Variants in TTC7A observed in about 807,000 individuals in gnomAD.
The protein encoded by TTC7A is tetratricopeptide repeat protein 7A.
In TTC7A, 110 loss-of-function variants were observed where a neutral mutation model predicts 103.7. The ratio of observed to expected loss-of-function variants is 1.06; its 90% CI spans 0.91 to 1.24. The LOEUF is 1.24. Among genes scored for constraint, TTC7A ranks in the 50% most tolerant of loss-of-function variants. TTC7A has a pLI of 0.00. For missense variants in TTC7A, 1,340 were observed against 1,116.3 expected (o/e 1.20, Z -2.86); for synonymous variants, 521 against 467.9 (o/e 1.11, Z -1.47).
intron 2 of TTC7A, among the ~76,000 whole-genome samples, chr2:46,919,996 T>C (rs1484285523): frequency 6.6e-6 from 1 of 152,208 alleles, no homozygotes; most frequent in Non-Finnish European, 1.5e-5. Flanking sequence ...GCTTGGAATT[T>C]TGGCATGTGT....
At chr2:46,949,892 A>C (rs1671260633) in intron 1 of TTC7A, among the ~76,000 whole-genome samples, 2 of 152,202 alleles carry the variant, frequency 1.3e-5, no homozygotes, top group Admixed American at 1.3e-4. Context: ...ACAAACAAAC[A>C]AAAACACTTA....
In TTC7A at chr2:47,074,171, C is replaced by T. The variant is rs1185214526; in HGVS notation, c.*248C>T. ...TGCCTTTGGAGAGTTTTGTGGTGAC[C>T]AGACTTGCTCCCCAAGAGCTGGGCA... is the stretch of plus-strand genomic sequence containing the variant. On this transcript the variant is annotated 3_prime_UTR_variant, in exon 20 of 20. Coordinates refer to ENST00000319190, the MANE Select transcript of TTC7A (RefSeq NM_020458.4). 2 of 543,334 alleles carry T rather than the reference C, an allele frequency of 3.7e-6. No individual in the cohort carries two copies. Among genetic ancestry groups the T allele is most frequent in the Non-Finnish European group, 3.3e-6 (1 of 302,536 alleles). The allele number at this position is 543,334 out of a possible 1,614,324, so 33.7% of individuals were successfully genotyped here. A position where few individuals can be genotyped will look rare whatever the true frequency, so the allele number is the denominator to read the frequency against.
chr2:46,949,599 T>G lies in TTC7A; in HGVS notation c.185-764T>G, dbSNP rs542287715. Among the ~76,000 whole-genome samples the G allele has an allele frequency of 2.5e-4, 38 of 152,326 alleles. 1 individual carries two copies. In the South Asian group the frequency reaches 5.0e-3, roughly 20 times the overall value. On this transcript the variant is annotated intron_variant, in intron 1 of 19. Coordinates refer to ENST00000319190, the MANE Select transcript of TTC7A (RefSeq NM_020458.4). ...CAAATGAGCTACCCTCATTTGCGGG[T>G]ATACCCTATATGTGAGAGAACTCCA...
At chr2:46,952,018 G>A (rs1671460916) in intron 2 of TTC7A, among the ~76,000 whole-genome samples, 1 of 152,228 alleles carries the variant, frequency 6.6e-6, no homozygotes, top group Non-Finnish European at 1.5e-5. Flanking sequence ...GGATCCTTCT[G>A]GGGCTGGATC....
chr2:46,929,014 T>A (rs531945788), intron 2 of TTC7A, among the ~76,000 whole-genome samples: 1 of 151,634 alleles, frequency 6.6e-6, no homozygotes, highest in Non-Finnish European at 1.5e-5. Context: ...AATACAAAAA[T>A]TAGCTGGGTG....
At chr2:46,994,855 C>A (rs1045235271) in intron 7 of TTC7A, among the ~76,000 whole-genome samples, 1 of 152,202 alleles carries the variant, frequency 6.6e-6, no homozygotes, top group South Asian at 2.1e-4. Flanking sequence ...TCTGGCTTCT[C>A]CCTGCTTCTT....
intron 15 of TTC7A, among the ~76,000 whole-genome samples, chr2:47,037,380 G>C (rs1403688189): frequency 2.6e-5 from 4 of 152,242 alleles, no homozygotes; most frequent in Admixed American, 1.3e-4. Context: ...TTGGAAGGAA[G>C]AGAACCATGC....
chr2:47,041,662 A>G (rs1240124915), intron 15 of TTC7A, among the ~76,000 whole-genome samples: 1 of 151,798 alleles, frequency 6.6e-6, no homozygotes, highest in Non-Finnish European at 1.5e-5. Flanking sequence ...CTGAGGCAGG[A>G]GAATTGCTTG....
chr2:47,005,410 C>A (rs1018048243), intron 8 of TTC7A, among the ~76,000 whole-genome samples: 3 of 152,102 alleles, frequency 2.0e-5, no homozygotes, highest in African/African-American at 7.2e-5. Context: ...GTGAGAATTG[C>A]AAACACACCA....
chr2:47,061,849 C>T (rs1422867161), intron 19 of TTC7A, among the ~76,000 whole-genome samples: 1 of 152,188 alleles, frequency 6.6e-6, no homozygotes, highest in African/African-American at 2.4e-5. Flanking sequence ...TGGAAGCTTG[C>T]AAGCCTGCAT....
In TTC7A at chr2:46,950,497, A is replaced by C. The variant is rs1223573029; in HGVS notation, c.319A>C (p.Ser107Arg). Reference sequence around the variant, plus strand: ...GATGAGCGAAGCCAAAAATTATCTAAGCAGTATCCTTAACCATGGGAGGCT... The same window carrying C: ...GATGAGCGAAGCCAAAAATTATCTACGCAGTATCCTTAACCATGGGAGGCT... ...PKMSEAKNYL[S>R]SILNHGRLSP... Residue 107 changes from serine (S) to arginine (R), a missense_variant, in exon 2 of 20, where the codon AGC becomes CGC. Ser to Arg is a moderately radical substitution (Grantham distance 110). Transcript: ENST00000319190. 14 of 1,614,036 alleles carry C rather than the reference A, an allele frequency of 8.7e-6. No individual in the cohort carries two copies. The highest frequency in any genetic ancestry group is 1.2e-5 in the Non-Finnish European group (14 of 1,180,040).
At chr2:46,932,099 A>T (rs2103844526) in intron 2 of TTC7A, among the ~76,000 whole-genome samples, 1 of 152,336 alleles carries the variant, frequency 6.6e-6, no homozygotes, top group South Asian at 2.1e-4. Context: ...GAATAGAAAA[A>T]ACTTCCTAAA....
intron 2 of TTC7A, among the ~76,000 whole-genome samples, chr2:46,922,381 G>A (rs1414654400): frequency 3.3e-5 from 5 of 152,158 alleles, no homozygotes; most frequent in Non-Finnish European, 7.4e-5. Context: ...CTGAGGCTAT[G>A]TTTCCTCAAA....
intron 2 of TTC7A, among the ~76,000 whole-genome samples, chr2:46,955,387 A>C (rs1182312247): frequency 1.3e-5 from 2 of 152,214 alleles, no homozygotes; most frequent in Non-Finnish European, 2.9e-5. Flanking sequence ...TCCCCTCAAA[A>C]GATTCAGCTT....
intron 19 of TTC7A, among the ~76,000 whole-genome samples, chr2:47,063,883 T>G (rs967770954): frequency 6.6e-6 from 1 of 152,228 alleles, no homozygotes; most frequent in Non-Finnish European, 1.5e-5. Flanking sequence ...TTTGGCCCTG[T>G]AGTCCTTGGA....
rs567256539 is a variant in TTC7A at position 46,998,059 on chromosome 2, G to A, written c.1065+2860G>A. ...CTGCCTCAGAGACTAGGGGTTATGG[G>A]GTGGGTGAGTCTGGGTTGGCTGGCC... is the stretch of plus-strand genomic sequence containing the variant. On this transcript the variant is annotated intron_variant, in intron 8 of 19. Coordinates refer to ENST00000319190, the MANE Select transcript of TTC7A (RefSeq NM_020458.4). Among the ~76,000 whole-genome samples, 11 of 152,210 alleles carry A rather than the reference G, an allele frequency of 7.2e-5. No individual in the cohort carries two copies. In the South Asian group the frequency reaches 2.3e-3, roughly 32 times the overall value.
At chr2:46,970,716 G>A (rs773223681) in intron 3 of TTC7A, among the ~76,000 whole-genome samples, 2 of 152,220 alleles carry the variant, frequency 1.3e-5, no homozygotes, top group Non-Finnish European at 1.5e-5. Context: ...GGGAGCAGGG[G>A]CTGGCCTAGC....
intron 8 of TTC7A, among the ~76,000 whole-genome samples, chr2:47,004,805 G>C (rs1466458079): frequency 6.6e-6 from 1 of 152,102 alleles, no homozygotes; most frequent in South Asian, 2.1e-4. Context: ...CTCTGCCTAA[G>C]TCCCTGCCCT....
rs563094363 is a variant in TTC7A, at chr2:46,996,120, C to G, written c.1065+921C>G. ...AGGAATGTTTGCCCAGGGCCAAGCA[C>G]TTTGGGTGCTCAGCAAAGGAGAGTG... On this transcript the variant is annotated intron_variant, in intron 8 of 19. Transcript: ENST00000319190. Among the ~76,000 whole-genome samples the G allele has an allele frequency of 8.3e-4, 127 of 152,332 alleles. 2 individuals are homozygous for G. Among genetic ancestry groups the G allele is most frequent in the African/African-American group, 3.0e-3 (124 of 41,574 alleles).
Sources: gnomAD v4.1 joint callset for allele counts (sites outside exome capture counted in the v4.1 genomes callset) on GRCh38, gnomAD v4.1.1 for gene constraint, MANE v1.5 for transcripts, NCBI Gene and HGNC (gene_info 2026-07-23, HGNC 2026-07-21) for gene names.